Variants in MYO7A observed in about 807,000 individuals in gnomAD.
MYO7A encodes myosin VIIA, also known as unconventional myosin-VIIa.
MYO7A carries 210 observed loss-of-function variants against 263.8 expected under a neutral mutation model. The observed-to-expected ratio is 0.80, with a 90% CI of 0.71 to 0.89. The LOEUF is 0.89. Ranked by LOEUF, MYO7A falls within the 40% of genes least tolerant of loss-of-function variation. MYO7A has a pLI of 0.00. For missense variants in MYO7A, 2,820 were observed against 2,968.3 expected (o/e 0.95, Z 1.16); for synonymous variants, 1,239 against 1,197.3 (o/e 1.03, Z -0.72).
At chr11:77,164,919 A>C (rs1953391415) in intron 14 of MYO7A, among the ~76,000 whole-genome samples, 1 of 152,232 alleles carries the variant, frequency 6.6e-6, no homozygotes, top group Non-Finnish European at 1.5e-5. Flanking sequence ...GAATTCTACC[A>C]GCATTTTCTA....
intron 36 of MYO7A, 130 bp from the exon 37 acceptor site, chr11:77,202,169 GT>G: frequency 8.2e-7 from 1 of 1,215,748 alleles, no homozygotes; most frequent in East Asian, 2.6e-5. Context: ...GGCTCCCAGG[GT>G]CAGAATGGGG....
chr11:77,206,859 G>C (rs185022955), intron 41 of MYO7A: 1 of 164,346 alleles, frequency 6.1e-6, no homozygotes, highest in Admixed American at 6.0e-5. Flanking sequence ...ATCCTTTCCT[G>C]TCCCTCCAGA....
At chr11:77,178,708 C>T (rs532880647) in intron 19 of MYO7A, among the ~76,000 whole-genome samples, 1 of 152,302 alleles carries the variant, frequency 6.6e-6, no homozygotes, top group African/African-American at 2.4e-5. Flanking sequence ...TCTCAGTTGC[C>T]TCATGTATAA....
intron 47 of MYO7A, 109 bp from the exon 48 acceptor site, chr11:77,213,750 TC>T: frequency 6.6e-7 from 1 of 1,505,914 alleles, no homozygotes; most frequent in Non-Finnish European, 9.1e-7. Context: ...GGCTTTTCCC[TC>T]CGGCCATGGG....
At position 77,172,817 on chromosome 11, in the gene MYO7A, C is replaced by T. The variant is rs142989331; in HGVS notation, c.1867C>T (p.Arg623Cys). 1.5e-5 allele frequency: 23 copies of T among 1,553,812 alleles called. No homozygotes were observed. In the Middle Eastern group the frequency reaches 5.0e-4, roughly 34 times the overall value. ...QFKRSLELLM[R>C]TLGACQPFFV... ...CAAGCGGTCACTGGAGCTGCTGATG[C>T]GCACGCTGGGTGCCTGCCAGCCCTT... Residue 623 changes from arginine (R) to cysteine (C), a missense_variant, in exon 16 of 49, where the codon CGC becomes TGC. By Grantham distance (180) the Arg-to-Cys change is radical. Coordinates refer to ENST00000409709, the MANE Select transcript of MYO7A (RefSeq NM_000260.4).
At chr11:77,182,336 T>C in intron 24 of MYO7A, 88 bp from the exon 25 acceptor site, 1 of 1,471,888 alleles carries the variant, frequency 6.8e-7, no homozygotes, top group Non-Finnish European at 9.1e-7. Context: ...AGGGGGTGTC[T>C]CCAGCCCACT....
chr11:77,187,579 G>T (rs1339272915), intron 27 of MYO7A, among the ~76,000 whole-genome samples: 6 of 152,158 alleles, frequency 3.9e-5, no homozygotes, highest in Admixed American at 1.3e-4. Flanking sequence ...TGGGAATCCT[G>T]CAAGTACCTC....
chr11:77,208,473 G>T lies in MYO7A; in HGVS notation c.5900G>T (p.Arg1967Leu). Reference sequence around the variant, plus strand: ...AATGACTTCTTCTTTGACTTTGTTCGACACTTGACAGACTGGATAAAGAAA... The same window carrying T: ...AATGACTTCTTCTTTGACTTTGTTCTACACTTGACAGACTGGATAAAGAAA... ...PENDFFFDFV[R>L]HLTDWIKKAR... The change falls in exon 43 of 49, where the codon CGA becomes CTA. Residue 1967 changes from arginine (R) to leucine (L), a missense_variant. Arg to Leu is a moderately radical substitution (Grantham distance 102). Coordinates refer to ENST00000409709, the MANE Select transcript of MYO7A (RefSeq NM_000260.4). 1.2e-6 allele frequency: 2 copies of T among 1,613,614 alleles called. No individual in the cohort carries two copies. The highest frequency in any genetic ancestry group is 1.1e-5 in the South Asian group (1 of 90,992).
chr11:77,214,916 G>A lies in MYO7A; in HGVS notation c.*220G>A. On this transcript the variant is annotated 3_prime_UTR_variant, in exon 49 of 49. Transcript: ENST00000409709. ...CCTCCATCCACCCCTCTGGCACCTG[G>A]GTTGGTCTAATCCTAGTTTGCTGTG... 1.9e-6 allele frequency: 1 copy of A among 539,094 alleles called. No individual in the cohort carries two copies. The highest frequency in any genetic ancestry group is 2.4e-5 in the South Asian group (1 of 41,632). 33.4% of individuals were successfully genotyped at this position (539,094 alleles called of 1,614,324 possible). A position where few individuals can be genotyped will look rare whatever the true frequency, so the allele number is the denominator to read the frequency against.
chr11:77,170,276 C>G (rs994199481), intron 15 of MYO7A, among the ~76,000 whole-genome samples: 2 of 152,098 alleles, frequency 1.3e-5, no homozygotes, highest in African/African-American at 4.8e-5. Flanking sequence ...CAGCCACATT[C>G]CAGAGGAAGG....
chr11:77,207,340 G>T lies in MYO7A; in HGVS notation c.5794G>T (p.Ala1932Ser). The change falls in exon 42 of 49, where the codon GCC becomes TCC. Residue 1932 changes from alanine (A) to serine (S), a missense_variant. Ala to Ser is a moderately conservative substitution (Grantham distance 99, BLOSUM62 1). Transcript: ENST00000409709. ...TKAKDFCQNI[A>S]TRLLLKSSEG... ...GGCCAAGGACTTCTGCCAGAACATC[G>T]CCACCAGGCTGCTCCTCAAGTCCTC... 6.2e-7 allele frequency: 1 copy of T among 1,612,722 alleles called. No individual in the cohort carries two copies. The highest frequency in any genetic ancestry group is 8.5e-7 in the Non-Finnish European group (1 of 1,179,430).
intron 4 of MYO7A, among the ~76,000 whole-genome samples, chr11:77,149,300 G>C (rs941407938): frequency 3.3e-5 from 5 of 152,202 alleles, no homozygotes; most frequent in Non-Finnish European, 5.9e-5. Flanking sequence ...GGTACTAGGG[G>C]CATTACTGGG....
chr11:77,172,652 C>T, intron 15 of MYO7A, 96 bp from the exon 16 acceptor site: 2 of 1,485,696 alleles, frequency 1.3e-6, no homozygotes, highest in Non-Finnish European at 1.8e-6. Flanking sequence ...AAACCCTGAC[C>T]CCGCTGACCT....
chr11:77,171,530 G>A (rs1253736631), intron 15 of MYO7A, among the ~76,000 whole-genome samples: 3 of 152,206 alleles, frequency 2.0e-5, no homozygotes, highest in South Asian at 2.1e-4. Flanking sequence ...GCTCTTTCTC[G>A]GAAGGCCTCA....
Position 77,155,971 on chromosome 11 carries a change from A to G in MYO7A, c.350A>G (p.Glu117Gly). The G allele has an allele frequency of 6.2e-7, 1 of 1,613,286 alleles. No homozygotes were observed. The highest frequency in any genetic ancestry group is 8.5e-7 in the Non-Finnish European group (1 of 1,179,614). ...CAGCTGCTCTCCATCTACTCGCCAG[A>G]GCACATCCGCCAGTATACCAACAAG... ...PYQLLSIYSP[E>G]HIRQYTNKKI... The change falls in exon 5 of 49, where the codon GAG becomes GGG. Residue 117 changes from glutamate (E) to glycine (G), a missense_variant. Glu to Gly is a moderately conservative substitution (Grantham distance 98, BLOSUM62 -2). Coordinates refer to ENST00000409709, the MANE Select transcript of MYO7A (RefSeq NM_000260.4).
intron 5 of MYO7A, among the ~76,000 whole-genome samples, chr11:77,156,424 A>G (rs1952462423): frequency 6.6e-6 from 1 of 152,176 alleles, no homozygotes; most frequent in South Asian, 2.1e-4. Flanking sequence ...TGAGCATCTA[A>G]TATGTGTTGT....
intron 15 of MYO7A, 69 bp from the exon 16 acceptor site, chr11:77,172,679 C>G (rs1954212859): frequency 6.5e-7 from 1 of 1,539,630 alleles, no homozygotes; most frequent in Admixed American, 2.0e-5. Flanking sequence ...CCGCTTCCTA[C>G]TGGGCGGCTC....
Position 77,201,430 on chromosome 11 carries a change from C to G in MYO7A, c.4853-18C>G. 3 of 1,609,218 alleles carry G rather than the reference C, an allele frequency of 1.9e-6. No homozygotes were observed. In the South Asian group the frequency reaches 3.3e-5, roughly 18 times the overall value. ...GCCTGTCTCTGCCCCCATGGTCCCACTCACCTCTGCTCTACAGCAGGCGAG... is the reference window on the plus strand; with the variant it reads ...GCCTGTCTCTGCCCCCATGGTCCCAGTCACCTCTGCTCTACAGCAGGCGAG... On this transcript the variant is annotated intron_variant, in intron 35 of 48. Transcript: ENST00000409709.
chr11:77,162,252 C>A lies in MYO7A; in HGVS notation c.1476C>A (p.Asn492Lys). The change falls in exon 13 of 49, where the codon AAC becomes AAA. Residue 492 changes from asparagine (N) to lysine (K), a missense_variant. Physicochemically the swap from Asn to Lys is moderately conservative, Grantham distance 94 (BLOSUM62 0). Coordinates refer to ENST00000409709, the MANE Select transcript of MYO7A (RefSeq NM_000260.4). ...IDWLHIEFTDNQDALDMIANK... is the reference protein window; with the variant it reads ...IDWLHIEFTDKQDALDMIANK... ...GGCTGCACATCGAGTTCACTGACAA[C>A]CAGGATGCCCTGGACATGATTGCCA... is the stretch of plus-strand genomic sequence containing the variant. 6.4e-7 allele frequency: 1 copy of A among 1,559,814 alleles called. No homozygotes were observed. Among genetic ancestry groups the A allele is most frequent in the Non-Finnish European group, 8.7e-7 (1 of 1,151,276 alleles).
Sources: allele counts gnomAD v4.1 joint callset (sites outside exome capture counted in the v4.1 genomes callset), GRCh38; gene constraint gnomAD v4.1.1; transcripts MANE v1.5; gene names NCBI Gene and HGNC (gene_info 2026-07-23, HGNC 2026-07-21).